Variants in ATP8B4 observed in about 807,000 individuals in gnomAD.
ATP8B4 encodes probable phospholipid-transporting ATPase IM.
ATP8B4 carries 133 observed loss-of-function variants against 145.6 expected under a neutral mutation model. The ratio of observed to expected loss-of-function variants is 0.91; its 90% CI spans 0.79 to 1.05. The LOEUF is 1.05. Ranked by LOEUF, ATP8B4 falls within the 50% of genes least tolerant of loss-of-function variation. The pLI, the probability that ATP8B4 is intolerant of heterozygous loss-of-function variation, is 0.00. For missense variants in ATP8B4, 1,458 were observed against 1,425.2 expected, an observed-to-expected ratio of 1.02 and a Z score of -0.37; for synonymous variants, 507 against 492.9, an observed-to-expected ratio of 1.03 and a Z score of -0.38.
intron 25 of ATP8B4, among the ~76,000 whole-genome samples, chr15:49,871,628 A>G (rs1382482706): frequency 6.6e-6 from 1 of 152,176 alleles, no homozygotes; most frequent in East Asian, 1.9e-4. Flanking sequence ...TGGATAACAC[A>G]ACCAAATTAT....
chr15:49,915,433 A>G (rs1259484910), intron 20 of ATP8B4, among the ~76,000 whole-genome samples: 3 of 152,142 alleles, frequency 2.0e-5, no homozygotes, highest in African/African-American at 7.2e-5. Flanking sequence ...CATGTATTGT[A>G]TATTTCAAGT....
intron 6 of ATP8B4, among the ~76,000 whole-genome samples, chr15:50,033,083 A>G (rs1163517297): frequency 3.3e-5 from 5 of 152,242 alleles, no homozygotes; most frequent in East Asian, 1.9e-4. Context: ...GTAATTATGC[A>G]GCATCTAGAA....
rs541222163 is a variant in ATP8B4 at position 50,064,702 on chromosome 15, T to C, written c.87+9425A>G. On this transcript the variant is annotated intron_variant, in intron 3 of 27. Transcript: ENST00000284509. ...CAAAATACCTGAGACTGGTAATTTA[T>C]AAAGACAAGAGGTTTAATTAGCTCA... 2.0e-5 allele frequency among the ~76,000 whole-genome samples: 3 copies of C among 152,292 alleles called. No individual in the cohort carries two copies. In the East Asian group the frequency reaches 5.8e-4, roughly 29 times the overall value.
intron 23 of ATP8B4, among the ~76,000 whole-genome samples, chr15:49,888,241 G>T (rs1267457484): frequency 1.3e-5 from 2 of 152,194 alleles, no homozygotes; most frequent in Admixed American, 1.3e-4. Flanking sequence ...AGGGGGAGCA[G>T]AGCTACCATG....
intron 9 of ATP8B4, among the ~76,000 whole-genome samples, chr15:49,988,469 AAG>A (rs1186652209): frequency 6.6e-6 from 1 of 152,128 alleles, no homozygotes; most frequent in Non-Finnish European, 1.5e-5. Context: ...GGAAGGAAAA[AAG>A]AGAGGGGAGA....
intron 1 of ATP8B4, among the ~76,000 whole-genome samples, chr15:50,177,936 C>T (rs1343779515): frequency 6.6e-6 from 1 of 152,098 alleles, no homozygotes; most frequent in Non-Finnish European, 1.5e-5. Flanking sequence ...GGATTGGAAA[C>T]TTTGAAGGGG....
chr15:49,987,456 T>G lies in ATP8B4; in HGVS notation c.683A>C (p.Lys228Thr), dbSNP rs779874795. Residue 228 changes from lysine to threonine, a missense_variant, in exon 10 of 28, where the codon AAG (lysine) becomes ACG (threonine). Lys to Thr is a moderately conservative substitution (Grantham distance 78). Coordinates refer to ENST00000284509, the MANE Select transcript of ATP8B4 (RefSeq NM_024837.4). The part of the protein sequence containing the change: ...KDSKHSLNNE[K>T]IILRGCILRN... ...CAGGATGCAGCCTCTCAGGATTATC[T>G]TCTCATTGTTGAGGGAATGCTTGCT... 4 of 1,613,792 alleles carry G rather than the reference T, an allele frequency of 2.5e-6. No individual in the cohort carries two copies. In the African/African-American group the frequency reaches 5.3e-5, roughly 22 times the overall value.
chr15:49,870,536 A>AT (rs2033529233), intron 25 of ATP8B4, among the ~76,000 whole-genome samples: 1 of 152,236 alleles, frequency 6.6e-6, no homozygotes, highest in Non-Finnish European at 1.5e-5. Context: ...TATAACTGTA[A>AT]TTACAGACCA....
intron 1 of ATP8B4, among the ~76,000 whole-genome samples, chr15:50,174,535 C>T (rs1351099232): frequency 6.6e-6 from 1 of 150,524 alleles, no homozygotes; most frequent in East Asian, 1.9e-4. Context: ...GCACTCGATC[C>T]CTTTTACAAT....
chr15:50,172,483 C>T (rs1286767462), intron 1 of ATP8B4, among the ~76,000 whole-genome samples: 4 of 152,328 alleles, frequency 2.6e-5, no homozygotes, highest in South Asian at 2.1e-4. Flanking sequence ...GGCGTGATCT[C>T]GGCTCGCTAC....
At position 50,088,972 on chromosome 15, in the gene ATP8B4, G is replaced by C. The variant is rs547097621; in HGVS notation, c.29-14787C>G. ...TTCTGTTCCATTGGTCTATGTGTCT[G>C]TTTTTGTACCAGTACCATGCTGTTT... On this transcript the variant is annotated intron_variant, in intron 2 of 27. Coordinates refer to ENST00000284509, the MANE Select transcript of ATP8B4 (RefSeq NM_024837.4). 9.9e-5 allele frequency among the ~76,000 whole-genome samples: 15 copies of C among 152,236 alleles called. No individual in the cohort carries two copies. The South Asian group carries it at 2.9e-3, about 29-fold the overall frequency.
At chr15:50,126,575 TTATGAC>T (rs2057309016) in intron 1 of ATP8B4, among the ~76,000 whole-genome samples, 1 of 152,192 alleles carries the variant, frequency 6.6e-6, no homozygotes, top group Non-Finnish European at 1.5e-5. Context: ...ACCAAACATC[TTATGAC>T]TATAACTTCT....
Position 50,049,770 on chromosome 15 carries a change from A to G in ATP8B4, c.88-2306T>C, listed in dbSNP as rs186321291. Among the ~76,000 whole-genome samples the G allele has an allele frequency of 1.9e-3, 290 of 152,256 alleles. 3 individuals are homozygous for G. The highest frequency in any genetic ancestry group is 6.8e-3 in the African/African-American group (281 of 41,536). On this transcript the variant is annotated intron_variant, in intron 3 of 27. Transcript: ENST00000284509. ...TGAACTTATTTACACTCCTACCAAC[A>G]GTGTATAAGCATTCCTTTTTCTCTG... is the stretch of plus-strand genomic sequence containing the variant.
In ATP8B4 at chr15:49,994,646, G is replaced by T. The variant is rs532502237; in HGVS notation, c.589+2031C>A. On this transcript the variant is annotated intron_variant, in intron 9 of 27. Coordinates refer to ENST00000284509, the MANE Select transcript of ATP8B4 (RefSeq NM_024837.4). ...ATAAGAAGAAGAAAAAGCCAAGCAG[G>T]GTATGGTGGATTGAGAGTGTAAGGA... Among the ~76,000 whole-genome samples, 11 of 151,966 alleles carry T rather than the reference G, an allele frequency of 7.2e-5. No homozygotes were observed. The South Asian group carries it at 1.9e-3, about 26-fold the overall frequency.
In ATP8B4 at chr15:50,018,894, T is replaced by C. The variant is rs932136930; in HGVS notation, c.363-7977A>G. On this transcript the variant is annotated intron_variant, in intron 6 of 27. Transcript: ENST00000284509. ...TCGACCATTATGTCACTTACATTTT[T>C]CTCAGGACCAGGATAAATCTTCTTC... 21 of 1,228,184 alleles carry C rather than the reference T, an allele frequency of 1.7e-5. No homozygotes were observed. In the African/African-American group the frequency reaches 3.3e-4, roughly 19 times the overall value. The allele number at this position is 1,228,184 out of a possible 1,614,324, so 76.1% of individuals were successfully genotyped here.
At chr15:50,139,524 G>A (rs539466845) in intron 1 of ATP8B4, among the ~76,000 whole-genome samples, 12 of 152,114 alleles carry the variant, frequency 7.9e-5, no homozygotes, top group South Asian at 4.2e-4. Context: ...TGATAGGTGC[G>A]GTAAACCACC....
chr15:50,138,815 C>T (rs905394470), intron 1 of ATP8B4, among the ~76,000 whole-genome samples: 1 of 152,186 alleles, frequency 6.6e-6, no homozygotes, highest in Non-Finnish European at 1.5e-5. Context: ...TAGTCTTACA[C>T]CTTCTAAGAA....
chr15:49,926,742 A>G (rs2040760176), intron 16 of ATP8B4, among the ~76,000 whole-genome samples: 1 of 152,174 alleles, frequency 6.6e-6, no homozygotes, highest in African/African-American at 2.4e-5. Context: ...AAAATTGTGC[A>G]CAATTTATTG....
chr15:50,047,754 C>T (rs979397951), intron 3 of ATP8B4, among the ~76,000 whole-genome samples: 4 of 152,152 alleles, frequency 2.6e-5, no homozygotes, highest in Non-Finnish European at 5.9e-5. Context: ...GCAGTCATTG[C>T]TTGAGTACCT....
Sources: allele counts gnomAD v4.1 joint callset (sites outside exome capture counted in the v4.1 genomes callset), GRCh38; gene constraint gnomAD v4.1.1; transcripts MANE v1.5; gene names NCBI Gene and HGNC (gene_info 2026-07-23, HGNC 2026-07-21).